FHIT: variants seen among roughly 807,000 people sequenced by gnomAD.
The protein encoded by FHIT is bis(5'-adenosyl)-triphosphatase.
FHIT carries 19 observed loss-of-function variants against 17.9 expected under a neutral mutation model. The observed-to-expected ratio is 1.06, with a 90% CI of 0.74 to 1.56. The LOEUF is 1.56. Among genes scored for constraint, FHIT ranks in the 40% most tolerant of loss-of-function variants. FHIT has a pLI of 0.00. For missense variants in FHIT, 248 were observed against 189.2 expected, an observed-to-expected ratio of 1.31 and a Z score of -1.82; for synonymous variants, 81 against 69.7, an observed-to-expected ratio of 1.16 and a Z score of -0.81.
chr3:60,831,081 C>T lies in FHIT; in HGVS notation c.-110-9070G>A, dbSNP rs1451719290. Among the ~76,000 whole-genome samples the T allele has an allele frequency of 4.6e-5, 7 of 152,036 alleles. 1 individual carries two copies. The highest frequency in any genetic ancestry group is 4.6e-4 in the Admixed American group (7 of 15,254). On this transcript the variant is annotated intron_variant, in intron 3 of 9. Coordinates refer to ENST00000492590, the MANE Select transcript of FHIT (RefSeq NM_002012.4). ...AAACTCATCAGTACTAACAACCATA[C>T]CACTTCCCCAACTAGTTGATAAACA...
intron 5 of FHIT, among the ~76,000 whole-genome samples, chr3:60,318,239 A>G (rs1709256478): frequency 6.6e-6 from 1 of 152,236 alleles, no homozygotes; most frequent in African/African-American, 2.4e-5. Context: ...AGGAGCAAAA[A>G]TTACAGTAAC....
At chr3:60,541,548 T>A (rs897800169) in intron 4 of FHIT, among the ~76,000 whole-genome samples, 1 of 152,192 alleles carries the variant, frequency 6.6e-6, no homozygotes, top group Non-Finnish European at 1.5e-5. Flanking sequence ...CCCATAGTCC[T>A]TTGACATATG....
chr3:60,664,807 A>T (rs914215894), intron 4 of FHIT, among the ~76,000 whole-genome samples: 2 of 151,260 alleles, frequency 1.3e-5, no homozygotes, highest in African/African-American at 2.4e-5. Context: ...TTTAGTGACC[A>T]CAGGATCTGT....
chr3:60,797,940 G>A (rs534430969), intron 4 of FHIT, among the ~76,000 whole-genome samples: 15 of 152,084 alleles, frequency 9.9e-5, no homozygotes, highest in African/African-American at 3.6e-4. Flanking sequence ...TTTTTTCAAT[G>A]TATAATTAAT....
chr3:60,637,280 T>C lies in FHIT; in HGVS notation c.-17-100301A>G, dbSNP rs138280458. 3.2e-3 allele frequency among the ~76,000 whole-genome samples: 480 copies of C among 152,316 alleles called. 1 individual carries two copies. Among genetic ancestry groups the C allele is most frequent in the Non-Finnish European group, 4.6e-3 (310 of 68,032 alleles). ...AACTTCTTGGAATTTTAGTAGAAGTTAGAGAATTACCTAAGTAAATGCTTT... is the reference window on the plus strand; with the variant it reads ...AACTTCTTGGAATTTTAGTAGAAGTCAGAGAATTACCTAAGTAAATGCTTT... On this transcript the variant is annotated intron_variant, in intron 4 of 9. Coordinates refer to ENST00000492590, the MANE Select transcript of FHIT (RefSeq NM_002012.4).
intron 5 of FHIT, among the ~76,000 whole-genome samples, chr3:60,372,929 T>G (rs1218804471): frequency 6.6e-6 from 1 of 152,204 alleles, no homozygotes; most frequent in Non-Finnish European, 1.5e-5. Flanking sequence ...AGAGATGAAT[T>G]TAATCCACTG....
chr3:60,530,647 C>T (rs2035743249), intron 5 of FHIT, among the ~76,000 whole-genome samples: 1 of 152,160 alleles, frequency 6.6e-6, no homozygotes, highest in Non-Finnish European at 1.5e-5. Flanking sequence ...CTTGGCAGCT[C>T]ACTACCAACT....
At chr3:59,971,599 C>T (rs1330198447) in intron 7 of FHIT, among the ~76,000 whole-genome samples, 2 of 152,092 alleles carry the variant, frequency 1.3e-5, no homozygotes, top group African/African-American at 4.8e-5. Context: ...AACTTTTCAA[C>T]AGAGAAAGAG....
intron 7 of FHIT, among the ~76,000 whole-genome samples, chr3:59,984,421 A>G (rs1708799726): frequency 6.6e-6 from 1 of 152,054 alleles, no homozygotes; most frequent in African/African-American, 2.4e-5. Context: ...GACAGCGTGG[A>G]ACATGCTACC....
chr3:60,602,029 CAAAG>C (rs2038460029), intron 4 of FHIT, among the ~76,000 whole-genome samples: 1 of 151,150 alleles, frequency 6.6e-6, no homozygotes, highest in East Asian at 1.9e-4. Context: ...TTCAAGCAAA[CAAAG>C]TAAGCATTAA....
At chr3:61,147,462 G>A (rs1422858781) in intron 2 of FHIT, among the ~76,000 whole-genome samples, 1 of 151,928 alleles carries the variant, frequency 6.6e-6, no homozygotes, top group African/African-American at 2.4e-5. Flanking sequence ...GTGAGTCAGA[G>A]TGCCAAGGTT....
At chr3:60,630,233 A>C (rs1576999715) in intron 4 of FHIT, among the ~76,000 whole-genome samples, 1 of 152,178 alleles carries the variant, frequency 6.6e-6, no homozygotes, top group African/African-American at 2.4e-5. Context: ...AACTGATGTG[A>C]CACAACTAGT....
chr3:60,671,791 A>C (rs924126787), intron 4 of FHIT, among the ~76,000 whole-genome samples: 4 of 150,842 alleles, frequency 2.7e-5, no homozygotes, highest in Admixed American at 6.6e-5. Flanking sequence ...AAAAAAAAAA[A>C]ACACAAAAAT....
At chr3:61,190,142 C>T (rs2038667421) in intron 2 of FHIT, among the ~76,000 whole-genome samples, 1 of 152,164 alleles carries the variant, frequency 6.6e-6, no homozygotes, top group Admixed American at 6.5e-5. Flanking sequence ...TCAGAGTGAA[C>T]AGGCAACCTA....
At chr3:60,208,601 T>A (rs987279336) in intron 5 of FHIT, among the ~76,000 whole-genome samples, 1 of 152,288 alleles carries the variant, frequency 6.6e-6, no homozygotes, top group South Asian at 2.1e-4. Flanking sequence ...TTCTTTCATA[T>A]CCAACATATG....
chr3:61,226,991 C>T (rs940246337), intron 1 of FHIT, among the ~76,000 whole-genome samples: 13 of 151,844 alleles, frequency 8.6e-5, no homozygotes, highest in Admixed American at 2.0e-4. Context: ...TGAAAAAAAA[C>T]GAAGTAGAAG....
intron 2 of FHIT, among the ~76,000 whole-genome samples, chr3:61,190,139 G>GT (rs1201299175): frequency 1.3e-5 from 2 of 152,152 alleles, no homozygotes; most frequent in African/African-American, 4.8e-5. Context: ...CCATCAGAGT[G>GT]AACAGGCAAC....
chr3:59,812,729 CATTA>C (rs1700452481), intron 8 of FHIT, among the ~76,000 whole-genome samples: 1 of 152,186 alleles, frequency 6.6e-6, no homozygotes. Flanking sequence ...ATCCTCTAAG[CATTA>C]ATTAAATAAA....
intron 5 of FHIT, among the ~76,000 whole-genome samples, chr3:60,033,324 C>G (rs191465351): frequency 3.2e-4 from 49 of 151,882 alleles, no homozygotes; most frequent in African/African-American, 1.2e-3. Context: ...GGAGAAACCC[C>G]GTCTCTACTA....
Sources: gnomAD v4.1 joint callset for allele counts (sites outside exome capture counted in the v4.1 genomes callset) on GRCh38, gnomAD v4.1.1 for gene constraint, MANE v1.5 for transcripts, NCBI Gene and HGNC (gene_info 2026-07-23, HGNC 2026-07-21) for gene names.